The following DYM variants were observed in gnomAD, a reference collection of about 807,000 sequenced individuals.
DYM encodes the protein dymeclin.
Under a neutral mutation model 93.1 loss-of-function variants are expected in DYM, and 78 were observed. The ratio of observed to expected loss-of-function variants is 0.84; its 90% CI spans 0.70 to 1.01. DYM has a LOEUF of 1.01. Ranked by LOEUF, DYM falls within the 50% of genes least tolerant of loss-of-function variation. The probability of loss-of-function intolerance (pLI) is 0.00; values close to 1 mark genes in which losing one functional copy is unlikely to be tolerated. For synonymous variants in DYM, 321 were observed against 319.7 expected, an observed-to-expected ratio of 1.00 and a Z score of -0.04; for missense variants, 789 against 845.0, an observed-to-expected ratio of 0.93 and a Z score of 0.82.
intron 17 of DYM, among the ~76,000 whole-genome samples, chr18:49,055,396 G>GC (rs2075389242): frequency 6.6e-6 from 1 of 152,172 alleles, no homozygotes. Flanking sequence ...AGTTGCCTAC[G>GC]CGTCAACTCC....
intron 17 of DYM, among the ~76,000 whole-genome samples, chr18:49,088,639 T>C (rs973774917): frequency 6.6e-6 from 1 of 152,150 alleles, no homozygotes; most frequent in Admixed American, 6.6e-5. Context: ...TTTCAAAGGT[T>C]ACTCTACAAC....
chr18:49,226,350 G>A (rs1034013223), intron 13 of DYM, among the ~76,000 whole-genome samples: 18 of 152,142 alleles, frequency 1.2e-4, no homozygotes, highest in Admixed American at 4.6e-4. Flanking sequence ...TTCTGACTTC[G>A]GACAAAGCAA....
chr18:49,213,726 A>C (rs1165920761), intron 13 of DYM, among the ~76,000 whole-genome samples: 1 of 152,182 alleles, frequency 6.6e-6, no homozygotes, highest in Non-Finnish European at 1.5e-5. Flanking sequence ...ATCCTTTTCC[A>C]ATGTCCCTTC....
intron 17 of DYM, among the ~76,000 whole-genome samples, chr18:49,067,447 T>TTGTG (rs2076543798): frequency 1.4e-5 from 2 of 146,914 alleles, no homozygotes; most frequent in Non-Finnish European, 3.0e-5. Flanking sequence ...TAGGGTGATG[T>TTGTG]GAGCACTATG....
chr18:49,384,021 T>C (rs2068314255), intron 3 of DYM, among the ~76,000 whole-genome samples: 1 of 151,944 alleles, frequency 6.6e-6, no homozygotes, highest in Non-Finnish European at 1.5e-5. Flanking sequence ...CTGGGGGAAA[T>C]GCATGAATGA....
chr18:49,430,245 A>G lies in DYM; in HGVS notation c.140+10T>C, dbSNP rs777315060. On this transcript the variant is annotated intron_variant, in intron 2 of 17. Coordinates refer to ENST00000675505, the MANE Select transcript of DYM (RefSeq NM_001353214.3). ...CTATTCAAATTTTCAATCTCCAGGCAATCTCTTACCTGCTAGTTGGTGCAG... is the reference window on the plus strand; with the variant it reads ...CTATTCAAATTTTCAATCTCCAGGCGATCTCTTACCTGCTAGTTGGTGCAG... 1.5e-5 allele frequency: 24 copies of G among 1,613,622 alleles called. No individual in the cohort carries two copies. In the Admixed American group the frequency reaches 2.7e-4, roughly 18 times the overall value.
At chr18:49,421,313 A>C (rs979657377) in intron 2 of DYM, among the ~76,000 whole-genome samples, 9 of 152,142 alleles carry the variant, frequency 5.9e-5, no homozygotes, top group Non-Finnish European at 1.2e-4. Context: ...CAGAGGAACA[A>C]TCAGGCAGCA....
chr18:49,379,557 T>A (rs1487195533), intron 4 of DYM, 108 bp downstream of exon 4: 2 of 980,918 alleles, frequency 2.0e-6, no homozygotes, highest in South Asian at 1.4e-5. Context: ...TGAGAATAAT[T>A]CCTTCACAGA....
chr18:49,273,301 G>A (rs940828124), intron 10 of DYM, among the ~76,000 whole-genome samples: 1 of 152,184 alleles, frequency 6.6e-6, no homozygotes, highest in Non-Finnish European at 1.5e-5. Context: ...TTACCAAGCA[G>A]TCATTGCTCT....
At chr18:49,399,941 T>A (rs1300330541) in intron 2 of DYM, among the ~76,000 whole-genome samples, 13 of 124,392 alleles carry the variant, frequency 1.0e-4, no homozygotes, top group African/African-American at 3.4e-4. Flanking sequence ...TTTCTTTTTT[T>A]TTTTTTTTTT....
At chr18:49,340,365 C>T (rs971638747) in intron 6 of DYM, among the ~76,000 whole-genome samples, 2 of 152,086 alleles carry the variant, frequency 1.3e-5, no homozygotes, top group Non-Finnish European at 2.9e-5. Flanking sequence ...AGTTCTATAA[C>T]ACAATTCTAT....
chr18:49,333,887 T>G, intron 6 of DYM, 34 bp from the exon 7 acceptor site: 1 of 1,585,932 alleles, frequency 6.3e-7, no homozygotes, highest in Non-Finnish European at 8.6e-7. Context: ...AACAGTCACT[T>G]TGGAAGATTA....
rs115388158 is a variant in DYM at position 49,338,758 on chromosome 18, A to G, written c.495-4905T>C. Among the ~76,000 whole-genome samples the G allele has an allele frequency of 5.3e-3, 806 of 152,330 alleles. 10 individuals carry two copies. The highest frequency in any genetic ancestry group is 0.018 in the African/African-American group (756 of 41,568). ...TTACAACATACTCAAGACCTACTACAGAAGACTTAATGACTTAGATGTGAA... is the reference window on the plus strand; with the variant it reads ...TTACAACATACTCAAGACCTACTACGGAAGACTTAATGACTTAGATGTGAA... On this transcript the variant is annotated intron_variant, in intron 6 of 17. Transcript: ENST00000675505.
intron 7 of DYM, among the ~76,000 whole-genome samples, chr18:49,332,270 G>C (rs144242510): frequency 2.0e-5 from 3 of 152,200 alleles, no homozygotes; most frequent in African/African-American, 7.2e-5. Context: ...GCAGTGGGGA[G>C]AAACAAGGTC....
intron 16 of DYM, among the ~76,000 whole-genome samples, chr18:49,105,804 T>C (rs2080735686): frequency 6.6e-6 from 1 of 152,240 alleles, no homozygotes; most frequent in South Asian, 2.1e-4. Flanking sequence ...CTTTTACATT[T>C]GCTGAGGAGA....
chr18:49,109,188 T>A (rs925198365), intron 16 of DYM, among the ~76,000 whole-genome samples: 1 of 152,082 alleles, frequency 6.6e-6, no homozygotes, highest in African/African-American at 2.4e-5. Flanking sequence ...AATTGAGGCA[T>A]CAGGATTATT....
intron 8 of DYM, chr18:49,321,224 C>A: frequency 2.5e-6 from 1 of 395,006 alleles, no homozygotes; most frequent in South Asian, 1.4e-4. Context: ...TCATTAGCAC[C>A]AAATAAATGG....
chr18:49,266,129 TAAAC>T (rs2094567107), intron 11 of DYM, among the ~76,000 whole-genome samples: 1 of 151,892 alleles, frequency 6.6e-6, no homozygotes, highest in Non-Finnish European at 1.5e-5. Flanking sequence ...ATTAAATAAT[TAAAC>T]TAACAAAAAA....
At chr18:49,446,365 T>A (rs1020389979) in intron 1 of DYM, among the ~76,000 whole-genome samples, 6 of 152,346 alleles carry the variant, frequency 3.9e-5, no homozygotes, top group Middle Eastern at 6.8e-3. Flanking sequence ...TTTTATAACC[T>A]GCCTTTATTA....
Sources: gnomAD v4.1 joint callset for allele counts (sites outside exome capture counted in the v4.1 genomes callset) on GRCh38, gnomAD v4.1.1 for gene constraint, MANE v1.5 for transcripts, NCBI Gene and HGNC (gene_info 2026-07-23, HGNC 2026-07-21) for gene names.